Variants in TMEFF2 observed in about 807,000 individuals in gnomAD.
TMEFF2 encodes transmembrane protein with EGF like and two follistatin like domains 2.
A neutral mutation model predicts 53.8 loss-of-function variants in TMEFF2; 28 were observed. That is an observed-to-expected ratio of 0.52 (90% confidence interval 0.39 to 0.71). The LOEUF (loss-of-function observed/expected upper bound fraction) is 0.71, where lower values mean the gene tolerates loss of function less well. Among genes scored for constraint, TMEFF2 ranks in the 30% least tolerant of loss-of-function variants. The pLI, the probability that TMEFF2 is intolerant of heterozygous loss-of-function variation, is 0.00. For missense variants in TMEFF2, 353 were observed against 455.2 expected (o/e 0.78, Z 2.04); for synonymous variants, 162 against 166.3 (o/e 0.97, Z 0.20).
At position 191,958,963 on chromosome 2, in the gene TMEFF2, T is replaced by C. The variant is rs145901923; in HGVS notation, c.746-2585A>G. Among the ~76,000 whole-genome samples the C allele has an allele frequency of 4.3e-3, 662 of 152,320 alleles. 5 individuals are homozygous for C. The highest frequency in any genetic ancestry group is 0.01 in the Middle Eastern group (3 of 294). ...ACATATTTTAGAAACAAGATTTTAG[T>C]ATATTAAGAGTAGAAACACAGAAAT... is the stretch of plus-strand genomic sequence containing the variant. On this transcript the variant is annotated intron_variant, in intron 7 of 9. Coordinates refer to ENST00000272771, the MANE Select transcript of TMEFF2 (RefSeq NM_016192.4).
chr2:192,111,304 C>T (rs1472523906), intron 4 of TMEFF2, among the ~76,000 whole-genome samples: 1 of 152,112 alleles, frequency 6.6e-6, no homozygotes, highest in Non-Finnish European at 1.5e-5. Context: ...ATGATGTGGA[C>T]ACTGAAATCC....
intron 4 of TMEFF2, among the ~76,000 whole-genome samples, chr2:192,164,207 C>G (rs1690699605): frequency 6.6e-6 from 1 of 152,116 alleles, no homozygotes; most frequent in African/African-American, 2.4e-5. Context: ...CCTCTTCTAC[C>G]ACTTTCCTGC....
chr2:192,191,072 T>G (rs1256601507), intron 2 of TMEFF2, among the ~76,000 whole-genome samples: 1 of 152,128 alleles, frequency 6.6e-6, no homozygotes, highest in Non-Finnish European at 1.5e-5. Context: ...TCTGCATGAT[T>G]ATATGAACAC....
chr2:191,989,263 A>G (rs1342051980), intron 7 of TMEFF2, among the ~76,000 whole-genome samples: 2 of 152,144 alleles, frequency 1.3e-5, no homozygotes, highest in East Asian at 3.9e-4. Flanking sequence ...AATTTACTAT[A>G]TCTGAGAACA....
Position 191,956,339 on chromosome 2 carries a change from T to C in TMEFF2, c.785A>G (p.His262Arg). 6.2e-7 allele frequency: 1 copy of C among 1,614,012 alleles called. No homozygotes were observed. Among genetic ancestry groups the C allele is most frequent in the Non-Finnish European group, 8.5e-7 (1 of 1,179,964 alleles). The change falls in exon 8 of 10, where the codon CAC becomes CGC. Residue 262 changes from histidine (H) to arginine (R), a missense_variant. By Grantham distance (29) the His-to-Arg change is conservative. This residue lies in a region of TMEFF2 where 294 missense variants were observed against 397.3 expected (regional missense o/e 0.74). Transcript: ENST00000272771. ...NKLEESAREH[H>R]IPCPEHYNGF... is the part of the protein sequence containing the mutation. ...ATTGTAATGTTCCGGACAAGGTATG[T>C]GGTGTTCTCTGGCACTTTCTTCTAA...
At chr2:192,173,235 C>G (rs975028779) in intron 4 of TMEFF2, among the ~76,000 whole-genome samples, 36 of 151,762 alleles carry the variant, frequency 2.4e-4, no homozygotes, top group Admixed American at 5.3e-4. Context: ...ATGCTTATAT[C>G]TAAACATTAT....
At chr2:192,098,873 A>G (rs1255220293) in intron 4 of TMEFF2, among the ~76,000 whole-genome samples, 2 of 152,166 alleles carry the variant, frequency 1.3e-5, no homozygotes, top group African/African-American at 2.4e-5. Flanking sequence ...TATTCAGTTT[A>G]GTTATTCACC....
intron 4 of TMEFF2, among the ~76,000 whole-genome samples, chr2:192,145,043 G>C (rs994223803): frequency 6.6e-6 from 1 of 151,810 alleles, no homozygotes; most frequent in Non-Finnish European, 1.5e-5. Context: ...GGGGAAAACT[G>C]AACATACATT....
chr2:192,019,595 T>G (rs1335757985), intron 5 of TMEFF2, among the ~76,000 whole-genome samples: 1 of 152,022 alleles, frequency 6.6e-6, no homozygotes, highest in Non-Finnish European at 1.5e-5. Context: ...TCTGAAATGA[T>G]GATTATAACA....
chr2:192,101,410 ATAGT>A (rs1038799615), intron 4 of TMEFF2, among the ~76,000 whole-genome samples: 4 of 152,222 alleles, frequency 2.6e-5, no homozygotes, highest in Non-Finnish European at 4.4e-5. Context: ...AAACAACAAT[ATAGT>A]TACTTTTTTC....
intron 7 of TMEFF2, among the ~76,000 whole-genome samples, chr2:191,968,711 C>G (rs921678527): frequency 2.0e-4 from 30 of 152,166 alleles, no homozygotes; most frequent in South Asian, 2.1e-4. Context: ...GGCTAACTTA[C>G]ACTGTGAGAT....
Position 192,179,704 on chromosome 2 carries a change from GAA to G in TMEFF2, c.413-12_413-11del. 1 of 1,512,980 alleles carries G rather than the reference GAA, an allele frequency of 6.6e-7. No individual in the cohort carries two copies. The highest frequency in any genetic ancestry group is 1.4e-5 in the South Asian group (1 of 70,512). 93.7% of individuals were successfully genotyped at this position (1,512,980 alleles called of 1,614,324 possible). On this transcript the variant is annotated splice_polypyrimidine_tract_variant and intron_variant, in intron 3 of 9. Transcript: ENST00000272771. ...GATCCTGATCCTGCATCTGTGGGGG[GAA>G]AAGTTATATTTGCTAGTAAAACATA...
At chr2:192,103,783 T>A (rs1689086590) in intron 4 of TMEFF2, among the ~76,000 whole-genome samples, 1 of 151,868 alleles carries the variant, frequency 6.6e-6, no homozygotes, top group African/African-American at 2.4e-5. Flanking sequence ...AAATTGTATG[T>A]CTTTGTTTTA....
intron 7 of TMEFF2, among the ~76,000 whole-genome samples, chr2:191,996,856 G>T (rs941063500): frequency 5.3e-5 from 8 of 151,888 alleles, no homozygotes; most frequent in Admixed American, 1.3e-4. Context: ...GGTGAGGACA[G>T]GGCTGGGTTA....
chr2:192,132,088 C>A (rs932331909), intron 4 of TMEFF2, among the ~76,000 whole-genome samples: 3 of 151,826 alleles, frequency 2.0e-5, no homozygotes, highest in African/African-American at 2.4e-5. Flanking sequence ...TCTACAGACC[C>A]ATCTGACCTC....
chr2:192,034,102 G>A (rs1380760773), intron 5 of TMEFF2, among the ~76,000 whole-genome samples: 2 of 150,218 alleles, frequency 1.3e-5, no homozygotes, highest in African/African-American at 4.9e-5. Context: ...GTGAACCCGG[G>A]AGGCGGAGCT....
intron 4 of TMEFF2, among the ~76,000 whole-genome samples, chr2:192,134,918 C>T (rs981056161): frequency 6.6e-6 from 1 of 152,180 alleles, no homozygotes; most frequent in Non-Finnish European, 1.5e-5. Context: ...TAAAAACACA[C>T]CTCACCAAGC....
intron 4 of TMEFF2, among the ~76,000 whole-genome samples, chr2:192,123,508 G>T (rs142980314): frequency 3.1e-3 from 472 of 152,234 alleles, no homozygotes; most frequent in Non-Finnish European, 4.0e-3. Context: ...GTCAGGCAAA[G>T]ATTACATAGT....
Position 192,143,638 on chromosome 2 carries a change from C to T in TMEFF2, c.439+36030G>A, listed in dbSNP as rs543486731. On this transcript the variant is annotated intron_variant, in intron 4 of 9. Transcript: ENST00000272771. ...CAGTCACATAATAAATATGCTTTTACCTTGCATCAGTTGAACTTCAAGAAA... is the reference window on the plus strand; with the variant it reads ...CAGTCACATAATAAATATGCTTTTATCTTGCATCAGTTGAACTTCAAGAAA... Among the ~76,000 whole-genome samples the T allele has an allele frequency of 2.0e-5, 3 of 152,088 alleles. No individual in the cohort carries two copies. In the South Asian group the frequency reaches 6.2e-4, roughly 32 times the overall value.
Sources: gnomAD v4.1 joint callset for allele counts (sites outside exome capture counted in the v4.1 genomes callset) on GRCh38, gnomAD v4.1.1 for gene constraint, gnomAD v4.1.1 regional missense constraint, MANE v1.5 for transcripts, NCBI Gene and HGNC (gene_info 2026-07-23, HGNC 2026-07-21) for gene names.